Variants in NIT1 observed in about 807,000 individuals in gnomAD.
The protein encoded by NIT1 is nitrilase 1.
NIT1 carries 30 observed loss-of-function variants against 36.8 expected under a neutral mutation model. The ratio of observed to expected loss-of-function variants is 0.82; its 90% CI spans 0.61 to 1.11. The LOEUF (loss-of-function observed/expected upper bound fraction) is 1.11, where lower values mean the gene tolerates loss of function less well. Among genes scored for constraint, NIT1 ranks in the 50% least tolerant of loss-of-function variants. NIT1 has a pLI of 0.00. For missense variants in NIT1, 438 were observed against 410.6 expected, an observed-to-expected ratio of 1.07 and a Z score of -0.58; for synonymous variants, 151 against 155.6, an observed-to-expected ratio of 0.97 and a Z score of 0.22.
chr1:161,124,280 G>A (rs1571224599), downstream of NIT1: 3 of 1,614,240 alleles, frequency 1.9e-6, no homozygotes, highest in Non-Finnish European at 2.5e-6. Context: ...GTCCATTTCG[G>A]ATGAGTCCAC....
At chr1:161,123,984 C>T (rs761224970), downstream of NIT1, 2 of 1,606,310 alleles carry the variant, frequency 1.2e-6, no homozygotes, top group Non-Finnish European at 1.7e-6. Context: ...AAAATATACA[C>T]CCTTCCCTTC....
rs1217141918 is a variant in NIT1 at position 161,120,483 on chromosome 1, C to T, written c.718-16C>T. On this transcript the variant is annotated splice_polypyrimidine_tract_variant and intron_variant, in intron 6 of 6. Transcript: ENST00000368009. The stretch of plus-strand genomic sequence containing the variant: ...TTTGCTACATGTACTTAAGTGAACA[C>T]ACATCTCATGCCCAGGTGTTGCTGC... 27 of 1,611,590 alleles carry T rather than the reference C, an allele frequency of 1.7e-5. No homozygotes were observed. The highest frequency in any genetic ancestry group is 2.3e-5 in the Non-Finnish European group (27 of 1,178,182).
chr1:161,122,466 T>C, downstream of NIT1: 1 of 1,614,152 alleles, frequency 6.2e-7, no homozygotes, highest in African/African-American at 1.3e-5. This position sits in a 1 kb window ranked among gnomAD's most constrained non-coding sequence, Gnocchi z 4.2. Flanking sequence ...AGAGAAGACA[T>C]TGCCCTGCAG....
At chr1:161,124,488 T>G (rs779179623), downstream of NIT1, 70 of 1,579,722 alleles carry the variant, frequency 4.4e-5, no homozygotes, top group Non-Finnish European at 6.0e-5. Context: ...ACGCAATGCT[T>G]TCCAGAATCC....
At chr1:161,119,636 C>T (rs773490731) in intron 4 of NIT1, 24 bp downstream of exon 4, 1 of 1,592,276 alleles carries the variant, frequency 6.3e-7, no homozygotes, top group East Asian at 2.3e-5. Context: ...ACCCTTTAGC[C>T]TGCCTCTTCC....
downstream of NIT1, chr1:161,122,471 C>A (rs1454373643): frequency 6.2e-7 from 1 of 1,614,070 alleles, no homozygotes; most frequent in East Asian, 2.2e-5. This position sits in a 1 kb window ranked among gnomAD's most constrained non-coding sequence, Gnocchi z 4.2. Flanking sequence ...AGACATTGCC[C>A]TGCAGAGCAG....
At chr1:161,123,275 A>G, downstream of NIT1, 3 of 1,516,926 alleles carry the variant, frequency 2.0e-6, no homozygotes, top group Non-Finnish European at 1.8e-6. Context: ...CAGAAATTCA[A>G]ACACTTCTGT....
downstream of NIT1, chr1:161,124,863 A>C (rs1392767300): frequency 6.1e-6 from 1 of 164,154 alleles, no homozygotes; most frequent in Non-Finnish European, 1.3e-5. Flanking sequence ...CAGGAGGCTG[A>C]GGTGGGAGGA....
Position 161,119,547 on chromosome 1 carries a change from A to G in NIT1, c.392A>G (p.Glu131Gly). The G allele has an allele frequency of 6.2e-7, 1 of 1,614,148 alleles. No individual in the cohort carries two copies. The highest frequency in any genetic ancestry group is 2.2e-5 in the East Asian group (1 of 44,872). Residue 131 changes from glutamate (E) to glycine (G), a missense_variant, in exon 4 of 7, where the codon GAG becomes GGG. Transcript: ENST00000368009. ...TGGCTGTCCTTGGGTGGTTTCCATG[A>G]GCGTGGCCAAGACTGGGAGCAGACT... The part of the protein sequence containing the change: ...GLWLSLGGFH[E>G]RGQDWEQTQK...
chr1:161,119,093 T>G, intron 2 of NIT1, 41 bp from the exon 3 acceptor site: 1 of 1,607,200 alleles, frequency 6.2e-7, no homozygotes, highest in Non-Finnish European at 8.5e-7. Context: ...TTTGCTTCCC[T>G]GTGCTATGAA....
chr1:161,119,983 A>G (rs747150254), intron 5 of NIT1, 31 bp downstream of exon 5: 55 of 1,603,976 alleles, frequency 3.4e-5, no homozygotes, highest in Non-Finnish European at 4.6e-5. Flanking sequence ...AGGGAGGGGA[A>G]CAGGAATACT....
rs764274434 is a variant in NIT1 at position 161,118,181 on chromosome 1, A to G, written c.2+3A>G. 1 of 1,613,982 alleles carries G rather than the reference A, an allele frequency of 6.2e-7. No individual in the cohort carries two copies. The highest frequency in any genetic ancestry group is 1.3e-5 in the African/African-American group (1 of 74,942). ...AATGGTTTTGGCTATATCTTCATGTAGGACCTACTCCCTATCCCGTCGGCC... is the reference window on the plus strand; with the variant it reads ...AATGGTTTTGGCTATATCTTCATGTGGGACCTACTCCCTATCCCGTCGGCC... On this transcript the variant is annotated splice_donor_region_variant and intron_variant, in intron 1 of 6. Transcript: ENST00000368009.
downstream of NIT1, chr1:161,125,368 AATG>A (rs1415334648): frequency 6.6e-6 from 1 of 152,188 alleles, no homozygotes; most frequent in Non-Finnish European, 1.5e-5. Context: ...CACATCAAGA[AATG>A]ATAACTGCTC....
At chr1:161,122,268 T>G, downstream of NIT1, 1 of 1,613,946 alleles carries the variant, frequency 6.2e-7, no homozygotes, top group Non-Finnish European at 8.5e-7. The surrounding 1 kb of genome is among the most constrained non-coding windows in gnomAD (Gnocchi z 4.2). Context: ...CTTGAGGGAG[T>G]CTGTGATGAA....
intron 6 of NIT1, 118 bp downstream of exon 6, chr1:161,120,350 A>G: frequency 2.7e-6 from 4 of 1,467,126 alleles, no homozygotes; most frequent in Non-Finnish European, 3.7e-6. Flanking sequence ...TTCCCCAGAT[A>G]TTTCTCTCAT....
downstream of NIT1, chr1:161,124,046 G>A: frequency 5.7e-6 from 9 of 1,577,998 alleles, no homozygotes; most frequent in South Asian, 2.4e-5. Flanking sequence ...GTACTCCCCA[G>A]GATCAATGTG....
At position 161,120,570 on chromosome 1, in the gene NIT1, T is replaced by C. The variant is rs757526889; in HGVS notation, c.789T>C (p.His263=). The change falls in exon 7 of 7, where the codon CAT becomes CAC. Residue 263 remains histidine, a synonymous_variant. Coordinates refer to ENST00000368009, the MANE Select transcript of NIT1 (RefSeq NM_005600.3). ...CAGCAGCACAGTGTGGACGCCACCA[T>C]GAGAAGAGAGCAAGTTATGGCCACA... ...VVAAAQCGRH[H]EKRASYGHSM... is the part of the protein sequence containing the mutation. 11 of 1,614,008 alleles carry C rather than the reference T, an allele frequency of 6.8e-6. No homozygotes were observed. The highest frequency in any genetic ancestry group is 6.7e-5 in the African/African-American group (5 of 74,910).
At chr1:161,118,246 G>C in intron 1 of NIT1, 68 bp downstream of exon 1, 1 of 1,613,578 alleles carries the variant, frequency 6.2e-7, no homozygotes, top group Non-Finnish European at 8.5e-7. Flanking sequence ...TTGTGTAACA[G>C]AGATGCTGCC....
Position 161,121,019 on chromosome 1 carries a change from C to A in NIT1, c.*254C>A. ...TTATTTCATGGAAACTGAAGTTCTG[C>A]TGAGGGCTGAGCAGCACTGGCATTG... On this transcript the variant is annotated 3_prime_UTR_variant, in exon 7 of 7. Coordinates refer to ENST00000368009, the MANE Select transcript of NIT1 (RefSeq NM_005600.3). 7.3e-7 allele frequency: 1 copy of A among 1,370,324 alleles called. No homozygotes were observed. Among genetic ancestry groups the A allele is most frequent in the East Asian group, 2.9e-5 (1 of 34,808 alleles). 84.9% of individuals were successfully genotyped at this position (1,370,324 alleles called of 1,614,324 possible).
Sources: allele counts gnomAD v4.1 joint callset, GRCh38; gene constraint gnomAD v4.1.1; non-coding constraint Gnocchi (gnomAD v3.1); transcripts MANE v1.5; gene names NCBI Gene and HGNC (gene_info 2026-07-23, HGNC 2026-07-21).